The following CHFR variants were observed in gnomAD, a reference collection of about 807,000 sequenced individuals.
CHFR encodes E3 ubiquitin-protein ligase CHFR.
CHFR carries 57 observed loss-of-function variants against 87.6 expected under a neutral mutation model. The observed-to-expected ratio is 0.65, with a 90% CI of 0.53 to 0.81. The LOEUF (loss-of-function observed/expected upper bound fraction) is 0.81. Ranked by LOEUF, CHFR falls within the 30% of genes least tolerant of loss-of-function variation. The pLI is 0.00. For synonymous variants in CHFR, 381 were observed against 359.2 expected (o/e 1.06, Z -0.69); for missense variants, 797 against 865.8 (o/e 0.92, Z 1.00).
At chr12:132,863,363 C>T (rs1427199247) in intron 6 of CHFR, among the ~76,000 whole-genome samples, 4 of 151,760 alleles carry the variant, frequency 2.6e-5, no homozygotes, top group South Asian at 2.1e-4. Flanking sequence ...CAAAATTGGC[C>T]GGGTGTGGTG....
intron 9 of CHFR, 30 bp from the exon 10 acceptor site, chr12:132,856,660 C>G: frequency 6.2e-7 from 1 of 1,609,830 alleles, no homozygotes; most frequent in East Asian, 2.2e-5. Context: ...GCGCCATTCA[C>G]CGGCAGTGAG....
chr12:132,877,800 A>C (rs1460172793), intron 2 of CHFR, 146 bp from the exon 3 acceptor site: 1 of 496,242 alleles, frequency 2.0e-6, no homozygotes, highest in Non-Finnish European at 3.5e-6. Context: ...AAAGACATAA[A>C]GAAATTTTTT....
intron 14 of CHFR, chr12:132,847,344 T>C (rs1441367313): frequency 7.6e-7 from 1 of 1,311,448 alleles, no homozygotes; most frequent in African/African-American, 1.5e-5. Flanking sequence ...AAGGTTCCAG[T>C]GTAACAGTTA....
At chr12:132,875,678 C>T (rs770730321) in intron 3 of CHFR, among the ~76,000 whole-genome samples, 46 of 152,144 alleles carry the variant, frequency 3.0e-4, no homozygotes, top group Non-Finnish European at 5.1e-4. Context: ...CACAGACTTC[C>T]CTTCCGAGAA....
At chr12:132,865,393 C>T (rs1457308540) in intron 6 of CHFR, among the ~76,000 whole-genome samples, 1 of 151,742 alleles carries the variant, frequency 6.6e-6, no homozygotes, top group African/African-American at 2.4e-5. Flanking sequence ...CCTGGTCTGT[C>T]GCCCAGGCTG....
rs541124619 is a variant in CHFR at position 132,835,710 on chromosome 12, G to C, written c.*5844C>G. On this transcript the variant is annotated 3_prime_UTR_variant, in exon 18 of 18. Coordinates refer to ENST00000450056, the MANE Select transcript of CHFR (RefSeq NM_001161346.2). ...GAAAATACTTTCTGTTGTTTAAGCCGCCTGTTCTGCGGCGTTTTGATCCAG... is the reference window on the plus strand; with the variant it reads ...GAAAATACTTTCTGTTGTTTAAGCCCCCTGTTCTGCGGCGTTTTGATCCAG... 4.2e-6 allele frequency: 1 copy of C among 239,266 alleles called. No individual in the cohort carries two copies. The highest frequency in any genetic ancestry group is 8.4e-6 in the Non-Finnish European group (1 of 119,212). 14.8% of individuals were successfully genotyped at this position (239,266 alleles called of 1,614,324 possible).
At chr12:132,861,104 G>C (rs148446051) in intron 7 of CHFR, among the ~76,000 whole-genome samples, 89 of 152,178 alleles carry the variant, frequency 5.8e-4, no homozygotes, top group Admixed American at 1.2e-3. Flanking sequence ...GGCTGGTCTC[G>C]AACGCCTGAC....
intron 3 of CHFR, among the ~76,000 whole-genome samples, chr12:132,875,306 A>G (rs1951605515): frequency 6.6e-6 from 1 of 152,234 alleles, no homozygotes; most frequent in African/African-American, 2.4e-5. Flanking sequence ...CACTCTCAAC[A>G]TACTGCTAGA....
rs539510794 is a variant in CHFR, at chr12:132,882,701, A to G, written c.133+4495T>C. ...AACAGAGGCGTCTCCATGCCAGAAC[A>G]TCAGGTTTTTTTTTTTTTCTTTGAG... On this transcript the variant is annotated intron_variant, in intron 2 of 17. Transcript: ENST00000450056. 1.2e-3 allele frequency among the ~76,000 whole-genome samples: 131 copies of G among 108,574 alleles called. 1 individual carries two copies. Among genetic ancestry groups the G allele is most frequent in the African/African-American group, 3.3e-3 (111 of 33,640 alleles). The allele number at this position is 108,574 out of a possible 152,430, so 71.2% of individuals were successfully genotyped here. A position where few individuals can be genotyped will look rare whatever the true frequency, so the allele number is the denominator to read the frequency against.
intron 15 of CHFR, among the ~76,000 whole-genome samples, chr12:132,845,299 CA>C (rs903502439): frequency 1.4e-5 from 2 of 147,232 alleles, no homozygotes; most frequent in African/African-American, 5.0e-5. Flanking sequence ...ACTAAAAATA[CA>C]AAAAAAAAAT....
intron 12 of CHFR, 67 bp from the exon 13 acceptor site, chr12:132,848,791 C>T: frequency 8.2e-7 from 1 of 1,214,664 alleles, no homozygotes; most frequent in South Asian, 1.3e-5. Flanking sequence ...AATTCGTCAG[C>T]ACCAGGCTCA....
chr12:132,855,454 CAGG>C (rs1299430103), intron 10 of CHFR, among the ~76,000 whole-genome samples: 1 of 151,680 alleles, frequency 6.6e-6, no homozygotes, highest in Non-Finnish European at 1.5e-5. Context: ...ATCACGAGGT[CAGG>C]AGATCAAGGC....
At chr12:132,856,395 AGT>A (rs1951071037) in intron 10 of CHFR, 71 bp downstream of exon 10, 28 of 1,510,008 alleles carry the variant, frequency 1.9e-5, no homozygotes, top group Middle Eastern at 4.6e-4. Context: ...TCCACCCAGT[AGT>A]GAGCTCTCGG....
At chr12:132,870,293 A>C (rs1037358337) in intron 5 of CHFR, among the ~76,000 whole-genome samples, 1 of 152,030 alleles carries the variant, frequency 6.6e-6, no homozygotes, top group African/African-American at 2.4e-5. Context: ...TGGAGGTTGC[A>C]GTGAGCCGAG....
intron 8 of CHFR, among the ~76,000 whole-genome samples, chr12:132,858,652 C>T (rs1367379220): frequency 4.3e-5 from 6 of 138,884 alleles, no homozygotes; most frequent in African/African-American, 5.3e-5. Flanking sequence ...CGTCTGAACC[C>T]GGGAGGCTGA....
Position 132,832,653 on chromosome 12 carries a change from A to T in CHFR, c.*8901T>A, listed in dbSNP as rs1452997895. The stretch of plus-strand genomic sequence containing the variant: ...AAAAATTTAGCAAGCAAAATGTGAC[A>T]AACATTAAATTTAAATACAGTTAGA... On this transcript the variant is annotated 3_prime_UTR_variant, in exon 18 of 18. Transcript: ENST00000450056. 6.6e-6 allele frequency: 1 copy of T among 152,258 alleles called. No individual in the cohort carries two copies. The highest frequency in any genetic ancestry group is 1.5e-5 in the Non-Finnish European group (1 of 68,044). The allele number at this position is 152,258 out of a possible 1,614,324, so 9.4% of individuals were successfully genotyped here.
At chr12:132,882,615 G>T (rs765230312) in intron 2 of CHFR, among the ~76,000 whole-genome samples, 15 of 151,938 alleles carry the variant, frequency 9.9e-5, no homozygotes, top group Non-Finnish European at 2.2e-4. Flanking sequence ...TTAACTGCCA[G>T]GACAGTCTCC....
At chr12:132,887,417 G>A (rs1566212040) in intron 1 of CHFR, 77 bp from the exon 2 acceptor site, 16 of 1,127,138 alleles carry the variant, frequency 1.4e-5, no homozygotes, top group Admixed American at 4.8e-5. Context: ...CACCCCGCGG[G>A]CCCCGGCCCG....
In CHFR at chr12:132,847,625, GC is replaced by G. The variant is rs1261809792; in HGVS notation, c.1647+459del. On this transcript the variant is annotated intron_variant, in intron 14 of 17. Coordinates refer to ENST00000450056, the MANE Select transcript of CHFR (RefSeq NM_001161346.2). ...GGCCCCACCATTGTGTGTGCTGTCA[GC>G]AAAGTGCTCGGCAGGAGGGCGAATG... The G allele has an allele frequency of 4.6e-6, 5 of 1,079,946 alleles. No homozygotes were observed. The East Asian group carries it at 2.9e-4, about 64-fold the overall frequency. 66.9% of individuals were successfully genotyped at this position (1,079,946 alleles called of 1,614,324 possible).
Sources: gnomAD v4.1 joint callset for allele counts (sites outside exome capture counted in the v4.1 genomes callset) on GRCh38, gnomAD v4.1.1 for gene constraint, MANE v1.5 for transcripts, NCBI Gene and HGNC (gene_info 2026-07-23, HGNC 2026-07-21) for gene names.